CDH13: variants seen among roughly 807,000 people sequenced by gnomAD.
CDH13 encodes cadherin-13.
A neutral mutation model predicts 63.8 loss-of-function variants in CDH13; 24 were observed. The ratio of observed to expected loss-of-function variants is 0.38; its 90% CI spans 0.27 to 0.53. The LOEUF is 0.53. CDH13 is among the 20% of genes least tolerant of loss of function. CDH13 has a pLI of 0.85. For missense variants in CDH13, 1,049 were observed against 903.1 expected (o/e 1.16, Z -2.07); for synonymous variants, 503 against 355.3 (o/e 1.42, Z -4.67).
chr16:83,590,738 C>G (rs2150735716), intron 7 of CDH13, among the ~76,000 whole-genome samples: 1 of 152,234 alleles, frequency 6.6e-6, no homozygotes, highest in East Asian at 1.9e-4. Flanking sequence ...GTCATACATT[C>G]ATTCAGAACA....
At chr16:83,685,949 A>T (rs941966706) in intron 10 of CDH13, among the ~76,000 whole-genome samples, 55 of 152,336 alleles carry the variant, frequency 3.6e-4, no homozygotes, top group African/African-American at 1.2e-3. Context: ...TACTAGGATG[A>T]TTAAAATACC....
intron 1 of CDH13, among the ~76,000 whole-genome samples, chr16:82,773,109 C>T (rs1041949979): frequency 2.0e-5 from 3 of 152,216 alleles, no homozygotes; most frequent in African/African-American, 4.8e-5. Context: ...CTCTCAGAAT[C>T]AGCTCCAGGC....
Position 83,061,022 on chromosome 16 carries a change from A to G in CDH13, c.366+28804A>G, listed in dbSNP as rs141954278. Among the ~76,000 whole-genome samples the G allele has an allele frequency of 1.0e-3, 152 of 152,306 alleles. 2 individuals carry two copies. The highest frequency in any genetic ancestry group is 3.4e-3 in the African/African-American group (141 of 41,566). ...GCCTGGCACATAGTGGGTGCTTAAT[A>G]CAAGTTCCTTGGCACAAAGAATATA... On this transcript the variant is annotated intron_variant, in intron 3 of 13. Coordinates refer to ENST00000567109, the MANE Select transcript of CDH13 (RefSeq NM_001257.5).
At position 83,685,336 on chromosome 16, in the gene CDH13, C is replaced by A. The variant is rs117276870; in HGVS notation, c.1538+6875C>A. ...GCCATGAATGCCTTTTTAAATGGAA[C>A]CTTTCTGCTTAATAAATAACTACAG... On this transcript the variant is annotated intron_variant, in intron 10 of 13. Coordinates refer to ENST00000567109, the MANE Select transcript of CDH13 (RefSeq NM_001257.5). Among the ~76,000 whole-genome samples the A allele has an allele frequency of 3.4e-3, 513 of 152,186 alleles. 2 individuals carry two copies. The highest frequency in any genetic ancestry group is 9.4e-3 in the South Asian group (45 of 4,806).
intron 7 of CDH13, among the ~76,000 whole-genome samples, chr16:83,509,943 G>A (rs138941303): frequency 9.2e-4 from 140 of 152,254 alleles, no homozygotes; most frequent in African/African-American, 3.1e-3. Flanking sequence ...GCAAGACCCC[G>A]GACAGAGGAT....
rs553888263 is a variant in CDH13, at chr16:83,617,129, T to C, written c.1101+14535T>C. 3.0e-4 allele frequency among the ~76,000 whole-genome samples: 46 copies of C among 152,316 alleles called. 1 individual carries two copies. The highest frequency in any genetic ancestry group is 1.1e-3 in the African/African-American group (45 of 41,578). On this transcript the variant is annotated intron_variant, in intron 8 of 13. Coordinates refer to ENST00000567109, the MANE Select transcript of CDH13 (RefSeq NM_001257.5). The stretch of plus-strand genomic sequence containing the variant: ...CTCACAACCCCTCTCCCTAATCCGC[T>C]TGGAATGCTTTGCTCTTTAAGCCCA...
At chr16:83,418,303 G>A (rs1349979945) in intron 6 of CDH13, among the ~76,000 whole-genome samples, 1 of 152,096 alleles carries the variant, frequency 6.6e-6, no homozygotes. Flanking sequence ...TCAGTACCCA[G>A]TAACTGTTAC....
chr16:82,954,751 GA>G (rs35155803), intron 2 of CDH13: 23,440 of 143,926 alleles, frequency 0.16, 1,999 homozygotes, highest in African/African-American at 0.24. Flanking sequence ...AAATCTCCTG[GA>G]AAAAAAAAAA....
intron 2 of CDH13, among the ~76,000 whole-genome samples, chr16:83,006,229 G>A (rs1013510084): frequency 3.3e-5 from 5 of 152,106 alleles, no homozygotes; most frequent in South Asian, 2.1e-4. Flanking sequence ...CAACACAATA[G>A]CAAATGACCA....
At chr16:83,216,397 A>AATATATAGATATGTAT (rs2039511814) in intron 4 of CDH13, among the ~76,000 whole-genome samples, 1 of 16,092 alleles carries the variant, frequency 6.2e-5, no homozygotes, top group Non-Finnish European at 1.7e-4. Context: ...CCAGCATTGA[A>AATATATAGATATGTAT]ATATATATAT....
intron 2 of CDH13, among the ~76,000 whole-genome samples, chr16:82,935,073 G>A (rs563210854): frequency 2.0e-5 from 3 of 152,284 alleles, no homozygotes; most frequent in African/African-American, 4.8e-5. Flanking sequence ...CTGCTACAAA[G>A]ACATACCTGA....
chr16:83,779,226 G>T (rs76149116), intron 11 of CDH13, among the ~76,000 whole-genome samples: 2 of 151,528 alleles, frequency 1.3e-5, no homozygotes, highest in African/African-American at 4.8e-5. Flanking sequence ...CCAACATAGC[G>T]AAACCCCATC....
At chr16:82,958,994 A>G (rs1313802758) in intron 2 of CDH13, among the ~76,000 whole-genome samples, 1 of 152,250 alleles carries the variant, frequency 6.6e-6, no homozygotes, top group East Asian at 1.9e-4. Context: ...TTAGACTTCT[A>G]CAGTGTTGCT....
chr16:83,783,845 G>C (rs1249032023), intron 13 of CDH13, among the ~76,000 whole-genome samples: 1 of 152,192 alleles, frequency 6.6e-6, no homozygotes, highest in African/African-American at 2.4e-5. Context: ...ATAATCTTTT[G>C]CAAGGTTAAA....
At chr16:83,298,024 A>G (rs2151872583) in intron 5 of CDH13, among the ~76,000 whole-genome samples, 1 of 149,876 alleles carries the variant, frequency 6.7e-6, no homozygotes, top group African/African-American at 2.5e-5. Context: ...CAGCCTAGGT[A>G]ACATGGCAAA....
At chr16:83,358,158 TTGCTCAGCCTCCCTGGCAGC>T (rs1269917800) in intron 6 of CDH13, among the ~76,000 whole-genome samples, 1 of 152,166 alleles carries the variant, frequency 6.6e-6, no homozygotes, top group African/African-American at 2.4e-5. Context: ...GAAGACTGTA[TTGCTCAGCCTCCCTGGCAGC>T]TAAATGTGGT....
At chr16:83,524,445 CTTTTTTTTTTTT>C (rs150233410) in intron 7 of CDH13, among the ~76,000 whole-genome samples, 2 of 59,278 alleles carry the variant, frequency 3.4e-5, no homozygotes, top group South Asian at 9.7e-4. Flanking sequence ...TTTCTTTTTT[CTTTTTTTTTTTT>C]TTTTTTTTTT....
At chr16:82,761,424 A>G (rs1418657469) in intron 1 of CDH13, among the ~76,000 whole-genome samples, 1 of 152,204 alleles carries the variant, frequency 6.6e-6, no homozygotes, top group Admixed American at 6.5e-5. Context: ...ATTTAGTCAC[A>G]GAGTGTGGGG....
At chr16:83,311,646 G>T (rs1567583164) in intron 5 of CDH13, among the ~76,000 whole-genome samples, 1 of 152,214 alleles carries the variant, frequency 6.6e-6, no homozygotes, top group Non-Finnish European at 1.5e-5. Context: ...GTGCCTTGTT[G>T]TTCTGTACAT....
Sources: allele counts gnomAD v4.1 joint callset (sites outside exome capture counted in the v4.1 genomes callset), GRCh38; gene constraint gnomAD v4.1.1; transcripts MANE v1.5; gene names NCBI Gene and HGNC (gene_info 2026-07-23, HGNC 2026-07-21).